Variants in NMU observed in about 807,000 individuals in gnomAD.
The protein encoded by NMU is neuromedin-U.
Under a neutral mutation model 35.4 loss-of-function variants are expected in NMU, and 29 were observed. The ratio of observed to expected loss-of-function variants is 0.82; its 90% CI spans 0.61 to 1.12. The LOEUF is 1.12. Ranked by LOEUF, NMU falls within the 50% of genes most tolerant of loss-of-function variation. NMU has a pLI of 0.00. For synonymous variants in NMU, 78 were observed against 81.3 expected, an observed-to-expected ratio of 0.96 and a Z score of 0.22; for missense variants, 199 against 206.2, an observed-to-expected ratio of 0.97 and a Z score of 0.21.
chr4:55,628,023 AG>A (rs1734602614), intron 2 of NMU, among the ~76,000 whole-genome samples: 1 of 152,248 alleles, frequency 6.6e-6, no homozygotes, highest in South Asian at 2.1e-4. Flanking sequence ...GGCCTTGGCC[AG>A]TGATACAAGG....
intron 6 of NMU, 71 bp from the exon 7 acceptor site, chr4:55,605,420 A>G (rs1733641422): frequency 1.7e-6 from 2 of 1,150,584 alleles, no homozygotes; most frequent in East Asian, 4.7e-5. Context: ...ACGGTTTCCT[A>G]TTTGTTTTTG....
At chr4:55,610,738 C>T (rs550671052) in intron 3 of NMU, among the ~76,000 whole-genome samples, 1 of 152,276 alleles carries the variant, frequency 6.6e-6, no homozygotes, top group South Asian at 2.1e-4. Context: ...AAAACATTTT[C>T]ATATACAGTC....
chr4:55,628,147 T>C (rs1042375431), intron 2 of NMU, among the ~76,000 whole-genome samples: 1 of 152,176 alleles, frequency 6.6e-6, no homozygotes, highest in Admixed American at 6.5e-5. Flanking sequence ...TATTACCAGA[T>C]AGCCATCCAT....
chr4:55,636,148 C>T lies in NMU; in HGVS notation c.45G>A (p.Gln15=), dbSNP rs1399285646. The T allele has an allele frequency of 1.3e-6, 2 of 1,518,818 alleles. No individual in the cohort carries two copies. The highest frequency in any genetic ancestry group is 1.8e-6 in the Non-Finnish European group (2 of 1,140,064). 94.1% of individuals were successfully genotyped at this position (1,518,818 alleles called of 1,614,324 possible). ...GCAGGAGCGGGGACGCCGCGGCCACCTGTCCGGCGGGCGACCTGGGGCGGC... is the reference window on the plus strand; with the variant it reads ...GCAGGAGCGGGGACGCCGCGGCCACTTGTCCGGCGGGCGACCTGGGGCGGC... ...ESCRPRSPAG[Q]VAAASPLLLL... is the part of the protein sequence containing the mutation. Residue 15 remains glutamine (Q), a synonymous_variant, in exon 1 of 10, where the codon CAG becomes CAA. Coordinates refer to ENST00000264218, the MANE Select transcript of NMU (RefSeq NM_006681.4). This position sits in a 1 kb window ranked among gnomAD's most constrained non-coding sequence, Gnocchi z 4.0.
At chr4:55,628,618 C>A (rs189656751) in intron 2 of NMU, among the ~76,000 whole-genome samples, 44 of 152,096 alleles carry the variant, frequency 2.9e-4, no homozygotes, top group Admixed American at 2.6e-3. Context: ...CTTGCCTCAG[C>A]CTCCTGAGTA....
chr4:55,616,620 G>A (rs1734117316), intron 2 of NMU, among the ~76,000 whole-genome samples: 1 of 152,148 alleles, frequency 6.6e-6, no homozygotes, highest in African/African-American at 2.4e-5. Flanking sequence ...TGCTGACAGG[G>A]ACCATCCTAG....
At chr4:55,601,779 G>A (rs533226367) in intron 7 of NMU, among the ~76,000 whole-genome samples, 1 of 152,124 alleles carries the variant, frequency 6.6e-6, no homozygotes, top group South Asian at 2.1e-4. Flanking sequence ...TTGAGCCCAG[G>A]AGTTTGAGAC....
chr4:55,619,866 C>G (rs761432394), intron 2 of NMU, among the ~76,000 whole-genome samples: 26 of 131,372 alleles, frequency 2.0e-4, no homozygotes, highest in Non-Finnish European at 4.0e-4. Flanking sequence ...CCCTGACCCC[C>G]GAGCAGCCTA....
upstream of NMU, chr4:55,636,366 G>A (rs982967876): frequency 7.0e-6 from 7 of 992,920 alleles, no homozygotes; most frequent in African/African-American, 6.9e-5. The surrounding 1 kb of genome is among the most constrained non-coding windows in gnomAD (Gnocchi z 4.0). Context: ...GGTCCCCGCC[G>A]CGCGTCACCT....
intron 1 of NMU, among the ~76,000 whole-genome samples, chr4:55,631,609 A>G (rs1734757549): frequency 6.6e-6 from 1 of 152,238 alleles, no homozygotes; most frequent in South Asian, 2.1e-4. Flanking sequence ...AATTAAAACC[A>G]CAAGATAACA....
At chr4:55,617,698 T>A (rs1179845064) in intron 2 of NMU, among the ~76,000 whole-genome samples, 2 of 152,220 alleles carry the variant, frequency 1.3e-5, no homozygotes. Flanking sequence ...GAGCAATGCT[T>A]ACTACATCAC....
intron 1 of NMU, among the ~76,000 whole-genome samples, chr4:55,634,489 C>G (rs1715798230): frequency 6.6e-6 from 1 of 152,190 alleles, no homozygotes; most frequent in African/African-American, 2.4e-5. Flanking sequence ...TAGGAACCAG[C>G]TGCTGCCTTC....
intron 1 of NMU, among the ~76,000 whole-genome samples, chr4:55,634,018 G>T (rs1423709997): frequency 6.6e-6 from 1 of 152,160 alleles, no homozygotes; most frequent in East Asian, 1.9e-4. Context: ...CATGGCCATT[G>T]TATGCTCTAA....
chr4:55,636,145 CA>C lies in NMU; in HGVS notation c.47del (p.Val16GlyfsTer43). On this transcript the variant is annotated frameshift_variant, in exon 1 of 10. Transcript: ENST00000264218. LOFTEE classifies it high-confidence loss of function. This position sits in a 1 kb window ranked among gnomAD's most constrained non-coding sequence, Gnocchi z 4.0. The part of the protein sequence containing the change: ...SCRPRSPAGQ[V>X]AAASPLLLLL... ...GCAGCAGGAGCGGGGACGCCGCGGC[CA>C]CCTGTCCGGCGGGCGACCTGGGGCG... 1 of 1,519,508 alleles carries C rather than the reference CA, an allele frequency of 6.6e-7. No individual in the cohort carries two copies. The highest frequency in any genetic ancestry group is 8.8e-7 in the Non-Finnish European group (1 of 1,140,444). 94.1% of individuals were successfully genotyped at this position (1,519,508 alleles called of 1,614,324 possible).
intron 2 of NMU, among the ~76,000 whole-genome samples, chr4:55,626,752 T>G: frequency 6.6e-6 from 1 of 152,168 alleles, no homozygotes; most frequent in South Asian, 2.1e-4. Flanking sequence ...ACAAAGGCCC[T>G]TACCTTTTTC....
intron 3 of NMU, among the ~76,000 whole-genome samples, chr4:55,609,946 T>C (rs11133403): frequency 0.36 from 55,398 of 152,050 alleles, 10,467 homozygotes; most frequent in East Asian, 0.59. Context: ...GTTAAAAGCA[T>C]GAGCTATGGA....
At position 55,607,317 on chromosome 4, in the gene NMU, AAC is replaced by A; in HGVS notation, c.339_340del (p.Lys113AsnfsTer23). The A allele has an allele frequency of 6.2e-7, 1 of 1,608,584 alleles. No individual in the cohort carries two copies. Among genetic ancestry groups the A allele is most frequent in the Admixed American group, 1.7e-5 (1 of 59,986 alleles). ...ACTTACCACAACATTTGACTTGCCC[AAC>A]TTCTGTGTCTTCGAATAATGAAATA... On this transcript the variant is annotated frameshift_variant, in exon 6 of 10. Coordinates refer to ENST00000264218, the MANE Select transcript of NMU (RefSeq NM_006681.4). LOFTEE classifies it high-confidence loss of function.
At chr4:55,634,059 G>A (rs185231404) in intron 1 of NMU, among the ~76,000 whole-genome samples, 105 of 152,232 alleles carry the variant, frequency 6.9e-4, no homozygotes, top group African/African-American at 2.5e-3. Flanking sequence ...TTTTGCCAAG[G>A]ATGCTGCATT....
chr4:55,612,050 C>T (rs1263948424), intron 3 of NMU, among the ~76,000 whole-genome samples: 2 of 152,056 alleles, frequency 1.3e-5, no homozygotes, highest in African/African-American at 4.8e-5. Flanking sequence ...ATTGGTATTG[C>T]CTGCTAAGCC....
Sources: allele counts gnomAD v4.1 joint callset (sites outside exome capture counted in the v4.1 genomes callset), GRCh38; gene constraint gnomAD v4.1.1; non-coding constraint Gnocchi (gnomAD v3.1); transcripts MANE v1.5; gene names NCBI Gene and HGNC (gene_info 2026-07-23, HGNC 2026-07-21).